ADAMTS17: variants seen among roughly 807,000 people sequenced by gnomAD.
ADAMTS17 encodes ADAM metallopeptidase with thrombospondin type 1 motif 17, also known as A disintegrin and metalloproteinase with thrombospondin motifs 17.
ADAMTS17 carries 113 observed loss-of-function variants against 141.5 expected under a neutral mutation model. That is an observed-to-expected ratio of 0.80 (90% CI 0.69 to 0.93). The LOEUF is 0.93. Ranked by LOEUF, ADAMTS17 falls within the 40% of genes least tolerant of loss-of-function variation. The pLI is 0.00. For synonymous variants in ADAMTS17, 768 were observed against 630.6 expected (o/e 1.22, Z -3.27); for missense variants, 1,659 against 1,517.9 (o/e 1.09, Z -1.54).
At chr15:100,134,781 G>A (rs909060102) in intron 10 of ADAMTS17, among the ~76,000 whole-genome samples, 1 of 152,172 alleles carries the variant, frequency 6.6e-6, no homozygotes, top group African/African-American at 2.4e-5. Flanking sequence ...CACGTATGTC[G>A]GAGCTGATCT....
At chr15:100,212,018 G>C (rs1433390176) in intron 7 of ADAMTS17, among the ~76,000 whole-genome samples, 2 of 152,110 alleles carry the variant, frequency 1.3e-5, no homozygotes, top group Admixed American at 6.5e-5. Flanking sequence ...GCATTTCCAT[G>C]CTGTTGTGCC....
chr15:100,291,222 C>T (rs957248789), intron 3 of ADAMTS17, among the ~76,000 whole-genome samples: 5 of 152,130 alleles, frequency 3.3e-5, no homozygotes, highest in Non-Finnish European at 7.4e-5. Flanking sequence ...AAGACATACA[C>T]GTGGCCAATA....
Position 100,315,052 on chromosome 15 carries a change from T to C in ADAMTS17, c.616+15837A>G, listed in dbSNP as rs60916233. On this transcript the variant is annotated intron_variant, in intron 3 of 21. Transcript: ENST00000268070. ...GCAAACCCCGCCGGCTCTGTTGTAA[T>C]GGCATGACCTGGGGCAGGTCCCAGG... 6.4e-3 allele frequency among the ~76,000 whole-genome samples: 981 copies of C among 152,322 alleles called. 10 individuals carry two copies. Among genetic ancestry groups the C allele is most frequent in the African/African-American group, 0.02 (849 of 41,570 alleles).
chr15:100,174,585 C>A (rs2040271519), intron 8 of ADAMTS17, among the ~76,000 whole-genome samples: 1 of 152,086 alleles, frequency 6.6e-6, no homozygotes, highest in Non-Finnish European at 1.5e-5. Context: ...TACTTTTTTA[C>A]CTTAAACAAA....
chr15:100,183,268 G>A (rs1432620513), intron 8 of ADAMTS17, among the ~76,000 whole-genome samples: 2 of 152,166 alleles, frequency 1.3e-5, no homozygotes, highest in South Asian at 2.1e-4. Context: ...TGGGATTACA[G>A]GTGTGAACCA....
At chr15:100,199,895 C>T (rs1028917921) in intron 7 of ADAMTS17, among the ~76,000 whole-genome samples, 1 of 152,234 alleles carries the variant, frequency 6.6e-6, no homozygotes, top group African/African-American at 2.4e-5. Context: ...TGCCCCTGCA[C>T]CCGCACACCC....
rs2042297074 is a variant in ADAMTS17, at chr15:100,225,962, ATAG to A, written c.1076-26542_1076-26540del. ...GTGCCATTCAGTCCTTATAGCAGTCATAGCCTCTGTGCCATTCAGTCCTTATAG... is the reference window on the plus strand; with the variant it reads ...GTGCCATTCAGTCCTTATAGCAGTCACCTCTGTGCCATTCAGTCCTTATAG... On this transcript the variant is annotated intron_variant, in intron 7 of 21. Coordinates refer to ENST00000268070, the MANE Select transcript of ADAMTS17 (RefSeq NM_139057.4). Among the ~76,000 whole-genome samples, 9 of 144,442 alleles carry A rather than the reference ATAG, an allele frequency of 6.2e-5. No homozygotes were observed. The South Asian group carries it at 1.8e-3, about 28-fold the overall frequency. 94.8% of individuals were successfully genotyped at this position (144,442 alleles called of 152,430 possible).
chr15:100,063,723 C>T (rs920895521), intron 15 of ADAMTS17: 7 of 1,289,916 alleles, frequency 5.4e-6, no homozygotes, highest in South Asian at 1.2e-5. Flanking sequence ...ACGGATCCTC[C>T]GAGCTCCAGC....
intron 10 of ADAMTS17, among the ~76,000 whole-genome samples, chr15:100,148,859 C>T (rs62036166): frequency 0.11 from 16,991 of 150,318 alleles, 1,114 homozygotes; most frequent in Admixed American, 0.18. Context: ...AAAAAGGTGA[C>T]GGAATTAGTC....
rs2031915844 is a variant in ADAMTS17 at position 100,048,848 on chromosome 15, G to A, written c.2591+9C>T. The stretch of plus-strand genomic sequence containing the variant: ...TGGTGGGTCCAAGCTACAGAACCCA[G>A]CTTCTTACCGTGACTGGCAGGGGTG... On this transcript the variant is annotated intron_variant, in intron 18 of 21. Transcript: ENST00000268070. 2 of 1,614,042 alleles carry A rather than the reference G, an allele frequency of 1.2e-6. No individual in the cohort carries two copies. The highest frequency in any genetic ancestry group is 1.7e-6 in the Non-Finnish European group (2 of 1,180,046).
At chr15:100,280,823 T>C (rs1367192272) in intron 4 of ADAMTS17, among the ~76,000 whole-genome samples, 1 of 109,258 alleles carries the variant, frequency 9.2e-6, no homozygotes, top group Non-Finnish European at 1.8e-5. Context: ...AGGCAGCCTC[T>C]CTAAGTCAAC....
At chr15:100,004,199 C>CGGGG (rs781728521) in intron 18 of ADAMTS17, among the ~76,000 whole-genome samples, 123 of 152,206 alleles carry the variant, frequency 8.1e-4, no homozygotes, top group Non-Finnish European at 1.2e-3. Context: ...GAGCCGTCTA[C>CGGGG]GGGGGTTGCT....
intron 20 of ADAMTS17, among the ~76,000 whole-genome samples, chr15:99,984,026 C>T (rs935610366): frequency 2.0e-5 from 3 of 152,160 alleles, no homozygotes; most frequent in African/African-American, 4.8e-5. Flanking sequence ...CTCCCTGTGC[C>T]GTCGCTGGGA....
intron 7 of ADAMTS17, among the ~76,000 whole-genome samples, chr15:100,210,147 C>T (rs530957701): frequency 5.2e-5 from 7 of 135,322 alleles, no homozygotes; most frequent in Non-Finnish European, 9.2e-5. Flanking sequence ...AGGAGAATGG[C>T]GTGAACCTGG....
rs771685042 is a variant in ADAMTS17 at position 99,997,437 on chromosome 15, C to T, written c.2744G>A (p.Ser915Asn). The change falls in exon 19 of 22, where the codon AGC becomes AAC. Residue 915 changes from serine to asparagine, a missense_variant. Ser to Asn is a conservative substitution (Grantham distance 46). Transcript: ENST00000268070. The surrounding 1 kb of genome is among the most constrained non-coding windows in gnomAD (Gnocchi z 4.7). ...GGACAGGCAGTCCTGGCCTTCACAG[C>T]TCTGCACTGCCGCCGGCCGGGGGCC... ...CPGPRPAAVQ[S>N]CEGQDCLSIW... is the part of the protein sequence containing the mutation. 1.2e-6 allele frequency: 2 copies of T among 1,613,726 alleles called. No individual in the cohort carries two copies. Among genetic ancestry groups the T allele is most frequent in the Non-Finnish European group, 1.7e-6 (2 of 1,180,010 alleles).
chr15:100,066,187 C>T (rs537854564), intron 15 of ADAMTS17, among the ~76,000 whole-genome samples: 14 of 152,188 alleles, frequency 9.2e-5, no homozygotes, highest in East Asian at 1.9e-4. Flanking sequence ...AATAAACACA[C>T]GTGGGGACAT....
chr15:100,016,110 T>C (rs900247898), intron 18 of ADAMTS17, among the ~76,000 whole-genome samples: 1 of 152,226 alleles, frequency 6.6e-6, no homozygotes, highest in African/African-American at 2.4e-5. Context: ...AGACCTGTCT[T>C]CGAGCTCTGA....
intron 3 of ADAMTS17, among the ~76,000 whole-genome samples, chr15:100,296,156 G>A (rs1032146149): frequency 2.6e-5 from 4 of 152,136 alleles, no homozygotes; most frequent in African/African-American, 4.8e-5. Context: ...CAAGCAGTGA[G>A]CCGGCAGCAG....
intron 3 of ADAMTS17, among the ~76,000 whole-genome samples, chr15:100,322,640 C>T (rs1478201799): frequency 1.3e-5 from 2 of 152,060 alleles, no homozygotes; most frequent in Non-Finnish European, 2.9e-5. Context: ...GAATAGCAGA[C>T]AAGAATTTTG....
Sources: allele counts gnomAD v4.1 joint callset (sites outside exome capture counted in the v4.1 genomes callset), GRCh38; gene constraint gnomAD v4.1.1; non-coding constraint Gnocchi (gnomAD v3.1); transcripts MANE v1.5; gene names NCBI Gene and HGNC (gene_info 2026-07-23, HGNC 2026-07-21).